TMEFF1: variants seen among roughly 807,000 people sequenced by gnomAD.
The protein encoded by TMEFF1 is tomoregulin-1.
TMEFF1 carries 20 observed loss-of-function variants against 47.5 expected under a neutral mutation model. The ratio of observed to expected loss-of-function variants is 0.42; its 90% CI spans 0.30 to 0.61. The LOEUF is 0.61. Among genes scored for constraint, TMEFF1 ranks in the 20% least tolerant of loss-of-function variants. The pLI is 0.19. For missense variants in TMEFF1, 411 were observed against 471.1 expected (o/e 0.87, Z 1.18); for synonymous variants, 162 against 166.3 (o/e 0.97, Z 0.20).
At chr9:100,530,936 G>A (rs1028260839) in intron 5 of TMEFF1, among the ~76,000 whole-genome samples, 19 of 151,892 alleles carry the variant, frequency 1.3e-4, no homozygotes, top group South Asian at 1.0e-3. Context: ...TTCAATATAC[G>A]CAAATCAATA....
intron 5 of TMEFF1, among the ~76,000 whole-genome samples, chr9:100,543,704 A>ACTAACACTAACATAAAAC (rs1838677051): frequency 2.0e-4 from 28 of 138,936 alleles, no homozygotes; most frequent in African/African-American, 7.3e-4. Context: ...GATGAAGTAA[A>ACTAACACTAACATAAAAC]ACACACACAC....
chr9:100,554,123 G>A (rs1838874939), intron 7 of TMEFF1, among the ~76,000 whole-genome samples: 2 of 152,114 alleles, frequency 1.3e-5, no homozygotes, highest in African/African-American at 4.8e-5. Context: ...TCATCCTTGA[G>A]CCTCATTAGT....
intron 5 of TMEFF1, among the ~76,000 whole-genome samples, chr9:100,522,860 G>A (rs568495312): frequency 2.0e-5 from 3 of 152,124 alleles, no homozygotes; most frequent in East Asian, 1.9e-4. Flanking sequence ...TCAGCCTCTC[G>A]AATAGCTGGG....
chr9:100,496,761 T>C (rs905570708), intron 1 of TMEFF1, among the ~76,000 whole-genome samples: 2 of 152,234 alleles, frequency 1.3e-5, no homozygotes, highest in African/African-American at 4.8e-5. Flanking sequence ...CAGAGTATTA[T>C]CTTGCCTCGC....
intron 9 of TMEFF1, 23 bp downstream of exon 9, chr9:100,572,699 T>C: frequency 1.3e-6 from 2 of 1,584,482 alleles, no homozygotes; most frequent in South Asian, 1.2e-5. Context: ...GTAAGAAATA[T>C]CAACTTTAAA....
At chr9:100,531,854 C>T (rs1265577732) in intron 5 of TMEFF1, among the ~76,000 whole-genome samples, 1 of 152,062 alleles carries the variant, frequency 6.6e-6, no homozygotes, top group Non-Finnish European at 1.5e-5. Flanking sequence ...TACAAGGCTA[C>T]AGTAACCAAA....
chr9:100,532,216 G>C (rs1838397562), intron 5 of TMEFF1, among the ~76,000 whole-genome samples: 1 of 151,818 alleles, frequency 6.6e-6, no homozygotes, highest in African/African-American at 2.4e-5. Context: ...AAAAGCAATG[G>C]CAACAAAAGC....
intron 1 of TMEFF1, among the ~76,000 whole-genome samples, chr9:100,480,097 T>C (rs1426638787): frequency 6.6e-6 from 1 of 152,242 alleles, no homozygotes; most frequent in African/African-American, 2.4e-5. Context: ...ATGTCGTTTT[T>C]ATTTGTATTT....
At chr9:100,555,868 A>T (rs1434833772) in intron 7 of TMEFF1, among the ~76,000 whole-genome samples, 1 of 152,140 alleles carries the variant, frequency 6.6e-6, no homozygotes, top group Non-Finnish European at 1.5e-5. Context: ...TATTTATGTT[A>T]TTTAGTCCTC....
At chr9:100,557,247 C>T (rs1434345706) in intron 7 of TMEFF1, among the ~76,000 whole-genome samples, 15 of 151,756 alleles carry the variant, frequency 9.9e-5, no homozygotes, top group Non-Finnish European at 1.5e-5. Context: ...ACATTTTCTA[C>T]ACCCCTAAAA....
intron 7 of TMEFF1, among the ~76,000 whole-genome samples, chr9:100,556,849 C>T (rs1394708654): frequency 6.6e-6 from 1 of 151,970 alleles, no homozygotes; most frequent in Non-Finnish European, 1.5e-5. Flanking sequence ...TATGTACTAA[C>T]CTTCTTATTT....
intron 2 of TMEFF1, among the ~76,000 whole-genome samples, chr9:100,503,209 T>C (rs1837799914): frequency 6.6e-6 from 1 of 152,128 alleles, no homozygotes; most frequent in Non-Finnish European, 1.5e-5. Flanking sequence ...TTTAAATACA[T>C]TTTAACAGAT....
intron 2 of TMEFF1, among the ~76,000 whole-genome samples, chr9:100,505,702 A>G (rs1837847414): frequency 6.6e-6 from 1 of 152,184 alleles, no homozygotes; most frequent in Non-Finnish European, 1.5e-5. Flanking sequence ...AAATTACAGT[A>G]ATGTCCGTCT....
At chr9:100,546,440 C>A (rs1282698858) in intron 5 of TMEFF1, among the ~76,000 whole-genome samples, 3 of 149,266 alleles carry the variant, frequency 2.0e-5, no homozygotes, top group African/African-American at 7.5e-5. Flanking sequence ...CCCCCCCCCA[C>A]CAGGTTCCTC....
intron 7 of TMEFF1, among the ~76,000 whole-genome samples, chr9:100,554,113 T>G (rs561242592): frequency 6.6e-6 from 1 of 152,300 alleles, no homozygotes; most frequent in Non-Finnish European, 1.5e-5. Flanking sequence ...ATCTTTGGTC[T>G]CATCCTTGAG....
intron 3 of TMEFF1, among the ~76,000 whole-genome samples, chr9:100,511,027 C>T (rs1197079060): frequency 6.6e-6 from 1 of 152,130 alleles, no homozygotes; most frequent in South Asian, 2.1e-4. Context: ...AGGTTACCTT[C>T]CGGAAGCAGA....
chr9:100,499,000 T>C, intron 2 of TMEFF1, 126 bp downstream of exon 2: 1 of 919,252 alleles, frequency 1.1e-6, no homozygotes, highest in East Asian at 2.6e-5. Context: ...AGCCCCTCAG[T>C]TCTTTTTTGT....
In TMEFF1 at chr9:100,576,701, T is replaced by C. The variant is rs1839359961; in HGVS notation, c.*101T>C. 5.6e-6 allele frequency: 8 copies of C among 1,418,932 alleles called. No individual in the cohort carries two copies. The South Asian group carries it at 8.4e-5, about 15-fold the overall frequency. The allele number at this position is 1,418,932 out of a possible 1,614,324, so 87.9% of individuals were successfully genotyped here. On this transcript the variant is annotated 3_prime_UTR_variant, in exon 10 of 10. Transcript: ENST00000374879. ...ATTTCAGAGGCCTTATTTTTGGACATTTTTAGTGTAGTACTGTTGGCTCGT... is the reference window on the plus strand; with the variant it reads ...ATTTCAGAGGCCTTATTTTTGGACACTTTTAGTGTAGTACTGTTGGCTCGT...
In TMEFF1 at chr9:100,572,694, A is replaced by G; in HGVS notation, c.1058+18A>G. ...ATAACAAGGTAGGTAATGATGTAAG[A>G]AATATCAACTTTAAATTAGAGGCAG... is the stretch of plus-strand genomic sequence containing the variant. On this transcript the variant is annotated intron_variant, in intron 9 of 9. Coordinates refer to ENST00000374879, the MANE Select transcript of TMEFF1 (RefSeq NM_003692.5). 6.3e-7 allele frequency: 1 copy of G among 1,586,786 alleles called. No homozygotes were observed.
Sources: allele counts gnomAD v4.1 joint callset (sites outside exome capture counted in the v4.1 genomes callset), GRCh38; gene constraint gnomAD v4.1.1; transcripts MANE v1.5; gene names NCBI Gene and HGNC (gene_info 2026-07-23, HGNC 2026-07-21).